ANGPT2: variants seen among roughly 807,000 people sequenced by gnomAD.
ANGPT2 encodes angiopoietin-2.
A neutral mutation model predicts 62.9 loss-of-function variants in ANGPT2; 28 were observed. The observed-to-expected ratio is 0.44, with a 90% confidence interval of 0.33 to 0.61. The LOEUF is 0.61. Among genes scored for constraint, ANGPT2 ranks in the 20% least tolerant of loss-of-function variants. ANGPT2 has a pLI of 0.03. For missense variants in ANGPT2, 727 were observed against 594.9 expected (o/e 1.22, Z -2.31); for synonymous variants, 284 against 207.8 (o/e 1.37, Z -3.15).
intron 5 of ANGPT2, 138 bp from the exon 6 acceptor site, chr8:6,514,916 A>G: frequency 1.6e-6 from 1 of 642,582 alleles, no homozygotes; most frequent in Non-Finnish European, 2.8e-6. Flanking sequence ...GGAGTAGACC[A>G]TCGGGGTTGT....
intron 2 of ANGPT2, among the ~76,000 whole-genome samples, chr8:6,528,393 T>TTA (rs1193251517): frequency 6.6e-6 from 1 of 152,256 alleles, no homozygotes; most frequent in African/African-American, 2.4e-5. Flanking sequence ...TATTTATTTG[T>TTA]CACTAGACAG....
chr8:6,553,665 ATT>A (rs752171739), intron 1 of ANGPT2, among the ~76,000 whole-genome samples: 218 of 142,800 alleles, frequency 1.5e-3, no homozygotes, highest in African/African-American at 4.6e-3. Flanking sequence ...TGGTCTCAAA[ATT>A]TTTTTTTTTT....
chr8:6,549,331 TAA>T (rs1198899121), intron 1 of ANGPT2, among the ~76,000 whole-genome samples: 1 of 152,066 alleles, frequency 6.6e-6, no homozygotes, highest in African/African-American at 2.4e-5. Flanking sequence ...ACAGAAATAA[TAA>T]AAGAGACCAA....
intron 3 of ANGPT2, among the ~76,000 whole-genome samples, chr8:6,526,444 A>G (rs1293877091): frequency 2.0e-5 from 3 of 151,994 alleles, no homozygotes; most frequent in Non-Finnish European, 4.4e-5. Context: ...CAAAAAAAAA[A>G]CACAGAAAAG....
intron 1 of ANGPT2, among the ~76,000 whole-genome samples, chr8:6,533,464 T>G (rs1281628567): frequency 6.6e-6 from 1 of 151,922 alleles, no homozygotes; most frequent in East Asian, 1.9e-4. Context: ...TCCTCATATG[T>G]AAAATAGGGT....
chr8:6,528,323 T>C (rs1818770550), intron 2 of ANGPT2, among the ~76,000 whole-genome samples: 2 of 152,212 alleles, frequency 1.3e-5, no homozygotes, highest in South Asian at 4.1e-4. Context: ...GAGTATAAAA[T>C]GGTCATATTT....
chr8:6,553,394 G>A (rs562008866), intron 1 of ANGPT2, among the ~76,000 whole-genome samples: 2 of 152,306 alleles, frequency 1.3e-5, no homozygotes, highest in East Asian at 3.9e-4. Flanking sequence ...AGGGTCTTCT[G>A]ATGGTTACAT....
At position 6,562,689 on chromosome 8, in the gene ANGPT2, C is replaced by T. The variant is rs1462960330; in HGVS notation, c.246G>A (p.Val82=). 1.2e-6 allele frequency: 2 copies of T among 1,606,556 alleles called. No homozygotes were observed. The highest frequency in any genetic ancestry group is 2.2e-5 in the South Asian group (2 of 90,832). The part of the protein sequence containing the change: ...EYDDSVQRLQ[V]LENIMENNTQ... ...TGTTGTTTTCCATGATGTTCTCCAG[C>T]ACTTGCAGCCTCTGCACCGAGTCAT... Residue 82 remains valine, a synonymous_variant, in exon 1 of 9, where the codon GTG becomes GTA. Transcript: ENST00000629816.
intron 1 of ANGPT2, among the ~76,000 whole-genome samples, chr8:6,556,214 T>C (rs1220642331): frequency 6.6e-6 from 1 of 152,176 alleles, no homozygotes; most frequent in Non-Finnish European, 1.5e-5. Context: ...ATATAATAAG[T>C]ACTACAGCAT....
At chr8:6,529,339 A>C (rs140033220) in intron 2 of ANGPT2, among the ~76,000 whole-genome samples, 175 of 152,306 alleles carry the variant, frequency 1.1e-3, no homozygotes, top group African/African-American at 4.0e-3. Context: ...AGAAATTTTC[A>C]GATTTGAATT....
At position 6,542,003 on chromosome 8, in the gene ANGPT2, A is replaced by G. The variant is rs530811407; in HGVS notation, c.289-9516T>C. 6.1e-4 allele frequency among the ~76,000 whole-genome samples: 91 copies of G among 149,350 alleles called. No individual in the cohort carries two copies. In the South Asian group the frequency reaches 0.012, roughly 20 times the overall value. ...AGCCTGGGTGACAGAATGAGACTCA[A>G]TCTCAAAAAAAAAAAAAAAAAAGTA... is the stretch of plus-strand genomic sequence containing the variant. On this transcript the variant is annotated intron_variant, in intron 1 of 8. Coordinates refer to ENST00000629816, the MANE Select transcript of ANGPT2 (RefSeq NM_001118887.2).
intron 1 of ANGPT2, among the ~76,000 whole-genome samples, chr8:6,536,984 A>C (rs1820618245): frequency 1.3e-5 from 2 of 151,710 alleles, no homozygotes; most frequent in Non-Finnish European, 2.9e-5. Flanking sequence ...AAAAAAAAAA[A>C]AAAAAACCAA....
At chr8:6,561,706 A>G (rs1284439372) in intron 1 of ANGPT2, among the ~76,000 whole-genome samples, 1 of 152,256 alleles carries the variant, frequency 6.6e-6, no homozygotes, top group African/African-American at 2.4e-5. Flanking sequence ...CTTCCTTTAG[A>G]ATATATATAG....
intron 7 of ANGPT2, among the ~76,000 whole-genome samples, chr8:6,511,166 T>C (rs1815007735): frequency 6.6e-6 from 1 of 152,194 alleles, no homozygotes; most frequent in Non-Finnish European, 1.5e-5. Flanking sequence ...TATGAGTCTC[T>C]GTTAGAAAGG....
intron 1 of ANGPT2, 76 bp downstream of exon 1, chr8:6,562,571 T>TTTTTTTTTTTTTTTTTTTTTTA: frequency 2.4e-6 from 1 of 417,078 alleles, no homozygotes; most frequent in Non-Finnish European, 4.0e-6. Flanking sequence ...TTTTTTTTTT[T>TTTTTTTTTTTTTTTTTTTTTTA]GGTTGTTAAA....
At chr8:6,550,186 G>C (rs1823379089) in intron 1 of ANGPT2, among the ~76,000 whole-genome samples, 1 of 152,214 alleles carries the variant, frequency 6.6e-6, no homozygotes, top group Non-Finnish European at 1.5e-5. Flanking sequence ...CCTGGCGTCG[G>C]CTCCATCTCC....
At chr8:6,506,224 G>A (rs1043261925) in intron 8 of ANGPT2, among the ~76,000 whole-genome samples, 3 of 151,918 alleles carry the variant, frequency 2.0e-5, no homozygotes, top group East Asian at 1.9e-4. Context: ...TCATAGGTCA[G>A]TGCCTTCTGG....
rs2442474 is a variant in ANGPT2, at chr8:6,499,686, A to G, written c.*3415T>C. ...TCAACTTTTTATTAATATTCATAAC[A>G]TTTATGCAACATGAAGATTCTGAAG... is the stretch of plus-strand genomic sequence containing the variant. On this transcript the variant is annotated 3_prime_UTR_variant, in exon 9 of 9. Transcript: ENST00000629816. 9,402 of 627,316 alleles carry G rather than the reference A, an allele frequency of 0.015. 94 individuals are homozygous for G. Among genetic ancestry groups the G allele is most frequent in the Non-Finnish European group, 0.019 (6,758 of 350,628 alleles). 38.9% of individuals were successfully genotyped at this position (627,316 alleles called of 1,614,324 possible). A position where few individuals can be genotyped will look rare whatever the true frequency, so the allele number is the denominator to read the frequency against.
intron 1 of ANGPT2, among the ~76,000 whole-genome samples, chr8:6,533,198 T>C (rs953661202): frequency 6.6e-6 from 1 of 152,224 alleles, no homozygotes; most frequent in Non-Finnish European, 1.5e-5. Flanking sequence ...CTGGTTCTTC[T>C]CTCCCTCAGT....
Sources: gnomAD v4.1 joint callset for allele counts (sites outside exome capture counted in the v4.1 genomes callset) on GRCh38, gnomAD v4.1.1 for gene constraint, MANE v1.5 for transcripts, NCBI Gene and HGNC (gene_info 2026-07-23, HGNC 2026-07-21) for gene names.